SDK2: variants seen among roughly 807,000 people sequenced by gnomAD.
The protein encoded by SDK2 is sidekick cell adhesion molecule 2.
A neutral mutation model predicts 253.9 loss-of-function variants in SDK2; 105 were observed. The ratio of observed to expected loss-of-function variants is 0.41; its 90% CI spans 0.35 to 0.49. The LOEUF (loss-of-function observed/expected upper bound fraction) is 0.49. Ranked by LOEUF, SDK2 falls within the 20% of genes least tolerant of loss-of-function variation. The pLI, the probability that SDK2 is intolerant of heterozygous loss-of-function variation, is 0.06. For missense variants in SDK2, 2,608 were observed against 3,003.0 expected, an observed-to-expected ratio of 0.87 and a Z score of 3.07; for synonymous variants, 1,249 against 1,234.9, an observed-to-expected ratio of 1.01 and a Z score of -0.24.
At chr17:73,457,901 C>T (rs908789275) in intron 3 of SDK2, among the ~76,000 whole-genome samples, 4 of 152,212 alleles carry the variant, frequency 2.6e-5, no homozygotes, top group African/African-American at 9.7e-5. Flanking sequence ...CCTGGCTGCA[C>T]TTTAGCAACC....
rs745923525 is a variant in SDK2 at position 73,609,344 on chromosome 17, CA to C, written c.64+34680del. Among the ~76,000 whole-genome samples, 1 of 152,242 alleles carries C rather than the reference CA, an allele frequency of 6.6e-6. No homozygotes were observed. Among genetic ancestry groups the C allele is most frequent in the Non-Finnish European group, 1.5e-5 (1 of 68,018 alleles). ...AACTGAGTCCAGAACGCCCTGACAT[CA>C]GAGGCTGGACCAGGAGGAGGAGCCA... On this transcript the variant is annotated intron_variant, in intron 1 of 44. Transcript: ENST00000392650. This position sits in a 1 kb window ranked among gnomAD's most constrained non-coding sequence, Gnocchi z 4.4.
At position 73,629,501 on chromosome 17, in the gene SDK2, G is replaced by T. The variant is rs1385311232; in HGVS notation, c.64+14524C>A. Among the ~76,000 whole-genome samples, 1 of 152,162 alleles carries T rather than the reference G, an allele frequency of 6.6e-6. No homozygotes were observed. The highest frequency in any genetic ancestry group is 2.4e-5 in the African/African-American group (1 of 41,428). ...TAGTGATTAGATACGACCAAGGTGCGTATTTGCTGTCTATAATTGCTGCTT... is the reference window on the plus strand; with the variant it reads ...TAGTGATTAGATACGACCAAGGTGCTTATTTGCTGTCTATAATTGCTGCTT... On this transcript the variant is annotated intron_variant, in intron 1 of 44. Transcript: ENST00000392650. The surrounding 1 kb of genome is among the most constrained non-coding windows in gnomAD (Gnocchi z 5.0).
rs374188054 is a variant in SDK2, at chr17:73,437,945, C to T, written c.916+19G>A. On this transcript the variant is annotated intron_variant, in intron 7 of 44. Coordinates refer to ENST00000392650, the MANE Select transcript of SDK2 (RefSeq NM_001144952.2). Reference sequence around the variant, plus strand: ...CCCCTACCCCTCAGGGGAGCCCTAGCAGCCCCACCCTCTCTCACCCAGCAC... The same window carrying T: ...CCCCTACCCCTCAGGGGAGCCCTAGTAGCCCCACCCTCTCTCACCCAGCAC... 45 of 1,556,726 alleles carry T rather than the reference C, an allele frequency of 2.9e-5. No homozygotes were observed. The African/African-American group carries it at 3.7e-4, about 13-fold the overall frequency.
At chr17:73,571,068 G>A (rs559016863) in intron 1 of SDK2, among the ~76,000 whole-genome samples, 92 of 137,482 alleles carry the variant, frequency 6.7e-4, no homozygotes, top group African/African-American at 2.4e-3. Flanking sequence ...GAGGTGGCTC[G>A]GGTTTTTTTT....
chr17:73,483,479 T>G (rs1409559703), intron 2 of SDK2, among the ~76,000 whole-genome samples: 1 of 127,674 alleles, frequency 7.8e-6, no homozygotes, highest in Non-Finnish European at 1.6e-5. Flanking sequence ...TGGCTAATCT[T>G]TGTGTGTGTG....
At chr17:73,366,649 G>A (rs1019527603) in intron 37 of SDK2, among the ~76,000 whole-genome samples, 5 of 152,196 alleles carry the variant, frequency 3.3e-5, no homozygotes, top group African/African-American at 9.7e-5. Context: ...AGCCTCTGCT[G>A]CCCCAGTGAC....
rs2062376307 is a variant in SDK2 at position 73,336,186 on chromosome 17, A to G, written c.*2401T>C. 1 of 151,824 alleles carries G rather than the reference A, an allele frequency of 6.6e-6. No individual in the cohort carries two copies. The highest frequency in any genetic ancestry group is 2.4e-5 in the African/African-American group (1 of 41,372). The allele number at this position is 151,824 out of a possible 1,614,324, so 9.4% of individuals were successfully genotyped here. A position where few individuals can be genotyped will look rare whatever the true frequency, so the allele number is the denominator to read the frequency against. The stretch of plus-strand genomic sequence containing the variant: ...AAGGGATGAAGTTATTTAAAAAAAA[A>G]AAAAAAAAAAAGATGAGAGGAAAGA... On this transcript the variant is annotated 3_prime_UTR_variant, in exon 45 of 45. Coordinates refer to ENST00000392650, the MANE Select transcript of SDK2 (RefSeq NM_001144952.2).
At chr17:73,630,033 A>G (rs1057421103) in intron 1 of SDK2, among the ~76,000 whole-genome samples, 3 of 152,144 alleles carry the variant, frequency 2.0e-5, no homozygotes, top group African/African-American at 4.8e-5. Context: ...GTTCAAGTTC[A>G]TGTGTTAACT....
At chr17:73,554,912 G>T (rs144618514) in intron 1 of SDK2, among the ~76,000 whole-genome samples, 5 of 152,352 alleles carry the variant, frequency 3.3e-5, no homozygotes, top group Admixed American at 2.0e-4. Flanking sequence ...AACTCTGTGA[G>T]TTTCCTCCTG....
At chr17:73,476,544 T>C (rs2063687254) in intron 2 of SDK2, among the ~76,000 whole-genome samples, 1 of 152,222 alleles carries the variant, frequency 6.6e-6, no homozygotes, top group Non-Finnish European at 1.5e-5. Flanking sequence ...AGGGGCTCAT[T>C]GGATCTGGAT....
chr17:73,350,844 A>C, intron 41 of SDK2, 54 bp from the exon 42 acceptor site: 2 of 1,540,752 alleles, frequency 1.3e-6, no homozygotes, highest in Non-Finnish European at 1.7e-6. Flanking sequence ...CTCCCTCCAA[A>C]TCTCCTGCTC....
intron 22 of SDK2, among the ~76,000 whole-genome samples, chr17:73,398,798 C>T (rs1289887545): frequency 2.0e-5 from 3 of 152,176 alleles, no homozygotes; most frequent in African/African-American, 7.2e-5. Context: ...CCCAGGCTGC[C>T]CCTCAAATCA....
At chr17:73,539,506 G>T (rs1403002688) in intron 1 of SDK2, among the ~76,000 whole-genome samples, 2 of 151,750 alleles carry the variant, frequency 1.3e-5, no homozygotes, top group Admixed American at 6.6e-5. Flanking sequence ...AGAGGGAGCT[G>T]GGGGGTGGTG....
intron 18 of SDK2, among the ~76,000 whole-genome samples, chr17:73,409,629 T>A (rs1421669938): frequency 2.0e-5 from 3 of 149,328 alleles, no homozygotes; most frequent in African/African-American, 4.9e-5. Context: ...AAACTCCATC[T>A]CAAAAAAAAG....
chr17:73,450,006 A>G (rs953352962), intron 4 of SDK2, among the ~76,000 whole-genome samples: 2 of 152,242 alleles, frequency 1.3e-5, no homozygotes, highest in Non-Finnish European at 2.9e-5. Flanking sequence ...ATGAGGCAAT[A>G]GGAGGTGGGG....
chr17:73,435,561 C>G lies in SDK2; in HGVS notation c.1084G>C (p.Asp362His). ...AGGCCGCTGATCTGCAGGCCCCCGT[C>G]GTTGCGCTGCCGGAAGCGGGTCAAC... ...EKLTRFRQRN[D>H]GGLQISGLVP... The change falls in exon 9 of 45, where the codon GAC becomes CAC. Residue 362 changes from aspartate (D) to histidine (H), a missense_variant. Physicochemically the swap from Asp to His is moderately conservative, Grantham distance 81. Around this residue, in one of 2 missense-constraint regions of SDK2, gnomAD observed 1,505 missense variants for 1,859.1 expected, o/e 0.81. Coordinates refer to ENST00000392650, the MANE Select transcript of SDK2 (RefSeq NM_001144952.2). This position sits in a 1 kb window ranked among gnomAD's most constrained non-coding sequence, Gnocchi z 5.7. The G allele has an allele frequency of 6.3e-7, 1 of 1,589,122 alleles. No homozygotes were observed. The highest frequency in any genetic ancestry group is 8.6e-7 in the Non-Finnish European group (1 of 1,168,018).
intron 2 of SDK2, among the ~76,000 whole-genome samples, chr17:73,473,627 T>A (rs1438245344): frequency 6.6e-6 from 1 of 152,204 alleles, no homozygotes; most frequent in Non-Finnish European, 1.5e-5. Context: ...ATCATCATCA[T>A]CTTGCCAAGA....
chr17:73,380,583 C>T (rs1249866871), intron 34 of SDK2, among the ~76,000 whole-genome samples: 2 of 152,178 alleles, frequency 1.3e-5, no homozygotes, highest in Admixed American at 1.3e-4. Context: ...CCCACCTACC[C>T]AGCAGCGTCC....
At chr17:73,536,076 C>G (rs1481966697) in intron 1 of SDK2, among the ~76,000 whole-genome samples, 1 of 152,188 alleles carries the variant, frequency 6.6e-6, no homozygotes, top group Admixed American at 6.5e-5. Context: ...AATTTCCCCG[C>G]CCTGCAGTTC....
Sources: allele counts gnomAD v4.1 joint callset (sites outside exome capture counted in the v4.1 genomes callset), GRCh38; gene constraint gnomAD v4.1.1; regional missense constraint gnomAD v4.1.1; non-coding constraint Gnocchi (gnomAD v3.1); transcripts MANE v1.5; gene names NCBI Gene and HGNC (gene_info 2026-07-23, HGNC 2026-07-21).